CSMD1: variants seen among roughly 807,000 people sequenced by gnomAD.
The protein encoded by CSMD1 is CUB and Sushi multiple domains 1.
In CSMD1, 213 loss-of-function variants were observed where a neutral mutation model predicts 417.5. The ratio of observed to expected loss-of-function variants is 0.51; its 90% CI spans 0.46 to 0.57. The LOEUF is 0.57. Among genes scored for constraint, CSMD1 ranks in the 20% least tolerant of loss-of-function variants. The probability of loss-of-function intolerance (pLI) is 0.00; values close to 1 mark genes in which losing one functional copy is unlikely to be tolerated. For synonymous variants in CSMD1, 2,862 were observed against 1,736.8 expected (o/e 1.65, Z -16.11); for missense variants, 6,923 against 4,529.7 (o/e 1.53, Z -15.17).
intron 3 of CSMD1, among the ~76,000 whole-genome samples, chr8:4,050,371 A>C (rs1257060017): frequency 6.6e-6 from 1 of 152,186 alleles, no homozygotes; most frequent in Non-Finnish European, 1.5e-5. Context: ...AAGAGCAGAG[A>C]ATCTACAAAC....
At chr8:4,035,071 C>T (rs1797545295) in intron 3 of CSMD1, among the ~76,000 whole-genome samples, 1 of 152,090 alleles carries the variant, frequency 6.6e-6, no homozygotes, top group Non-Finnish European at 1.5e-5. Flanking sequence ...GCAGAAAGAT[C>T]AACGAAACAT....
chr8:3,349,778 T>A (rs1808270256), intron 21 of CSMD1, among the ~76,000 whole-genome samples: 1 of 128,448 alleles, frequency 7.8e-6, no homozygotes. Context: ...TAGATATAAG[T>A]CTAAATATAA....
At chr8:4,334,565 T>C (rs1363985928) in intron 3 of CSMD1, among the ~76,000 whole-genome samples, 2 of 152,182 alleles carry the variant, frequency 1.3e-5, no homozygotes, top group Non-Finnish European at 2.9e-5. Context: ...GAAAGATTGA[T>C]GGATGACAGA....
intron 3 of CSMD1, among the ~76,000 whole-genome samples, chr8:4,293,462 A>C (rs539198593): frequency 6.6e-6 from 1 of 152,340 alleles, no homozygotes; most frequent in Admixed American, 6.5e-5. Context: ...AATATGTGAA[A>C]ATTATTATTT....
chr8:3,591,648 T>C (rs1358076631), intron 8 of CSMD1, among the ~76,000 whole-genome samples: 2 of 152,164 alleles, frequency 1.3e-5, no homozygotes, highest in African/African-American at 4.8e-5. Flanking sequence ...CTGCTCAGCG[T>C]CTACTGAATC....
At chr8:4,802,275 A>C (rs1196778179) in intron 1 of CSMD1, among the ~76,000 whole-genome samples, 2 of 152,208 alleles carry the variant, frequency 1.3e-5, no homozygotes, top group African/African-American at 4.8e-5. Flanking sequence ...GCCTCAGCCA[A>C]GGCTTCGTGG....
At chr8:3,388,794 T>C (rs1811164227) in intron 17 of CSMD1, among the ~76,000 whole-genome samples, 1 of 152,074 alleles carries the variant, frequency 6.6e-6, no homozygotes, top group Non-Finnish European at 1.5e-5. Flanking sequence ...CTGGAGGAGC[T>C]TTCAATCTGC....
At chr8:4,124,064 C>G (rs988652798) in intron 3 of CSMD1, among the ~76,000 whole-genome samples, 5 of 151,860 alleles carry the variant, frequency 3.3e-5, no homozygotes, top group Non-Finnish European at 7.4e-5. Context: ...TCCCAACACA[C>G]AGACTTCTAC....
chr8:4,220,100 C>A (rs140412524), intron 3 of CSMD1, among the ~76,000 whole-genome samples: 60 of 152,268 alleles, frequency 3.9e-4, no homozygotes, highest in African/African-American at 1.4e-3. Flanking sequence ...CAGGCACGTG[C>A]CACCATGCCC....
chr8:3,107,698 T>A lies in CSMD1; in HGVS notation c.6835+20A>T, dbSNP rs1349367846. The A allele has an allele frequency of 2.8e-6, 4 of 1,403,790 alleles. No individual in the cohort carries two copies. Among genetic ancestry groups the A allele is most frequent in the Non-Finnish European group, 4.0e-6 (4 of 999,012 alleles). 87.0% of individuals were successfully genotyped at this position (1,403,790 alleles called of 1,614,324 possible). ...AAATGTCGTGCTGAATTCATGGTAT[T>A]GTAATGAAGAAAGTATTACCTATTT... On this transcript the variant is annotated intron_variant, in intron 45 of 69. Coordinates refer to ENST00000635120, the MANE Select transcript of CSMD1 (RefSeq NM_033225.6).
At chr8:3,108,108 C>T (rs759474244) in intron 44 of CSMD1, among the ~76,000 whole-genome samples, 5 of 152,202 alleles carry the variant, frequency 3.3e-5, no homozygotes, top group African/African-American at 4.8e-5. Flanking sequence ...AACCTGGCTC[C>T]CTGTCCATGT....
At chr8:3,394,876 G>C (rs868002217) in intron 17 of CSMD1, among the ~76,000 whole-genome samples, 1 of 152,064 alleles carries the variant, frequency 6.6e-6, no homozygotes, top group South Asian at 2.1e-4. Flanking sequence ...AATTAAATTT[G>C]AAATTTGTCA....
chr8:3,591,797 A>G lies in CSMD1; in HGVS notation c.1098-5537T>C, dbSNP rs959885605. The stretch of plus-strand genomic sequence containing the variant: ...GATGGATGGATGGATAGATGGAAAG[A>G]TGGAAAGATGGATAGACAGTGGATG... On this transcript the variant is annotated intron_variant, in intron 8 of 69. Transcript: ENST00000635120. 2.0e-5 allele frequency among the ~76,000 whole-genome samples: 3 copies of G among 152,186 alleles called. 1 individual carries two copies. The highest frequency in any genetic ancestry group is 2.0e-4 in the Admixed American group (3 of 15,288).
chr8:4,482,269 CA>C (rs1469093421), intron 2 of CSMD1, among the ~76,000 whole-genome samples: 4 of 152,116 alleles, frequency 2.6e-5, no homozygotes, highest in African/African-American at 7.2e-5. Flanking sequence ...TTATAGCCCC[CA>C]GTGTGTGTTG....
chr8:4,700,820 G>GA (rs1807481770), intron 1 of CSMD1, among the ~76,000 whole-genome samples: 1 of 152,148 alleles, frequency 6.6e-6, no homozygotes, highest in Admixed American at 6.5e-5. Context: ...ATTAGAGCAT[G>GA]AAAAAAAGGT....
intron 49 of CSMD1, among the ~76,000 whole-genome samples, chr8:3,063,329 T>C (rs1465528154): frequency 6.6e-6 from 1 of 152,142 alleles, no homozygotes; most frequent in African/African-American, 2.4e-5. Flanking sequence ...ATAAAAACGA[T>C]AGCAAAAACT....
At chr8:4,012,400 C>T (rs957158480) in intron 4 of CSMD1, among the ~76,000 whole-genome samples, 11 of 152,094 alleles carry the variant, frequency 7.2e-5, no homozygotes, top group South Asian at 6.2e-4. Flanking sequence ...ATCCAGTTTG[C>T]GTCGCGTGGA....
intron 3 of CSMD1, among the ~76,000 whole-genome samples, chr8:4,091,360 C>T (rs1009186266): frequency 6.6e-6 from 1 of 151,986 alleles, no homozygotes; most frequent in African/African-American, 2.4e-5. Flanking sequence ...TTTGAAATGT[C>T]CATGGAAGAA....
At chr8:4,508,972 C>T (rs990823999) in intron 2 of CSMD1, among the ~76,000 whole-genome samples, 20 of 151,910 alleles carry the variant, frequency 1.3e-4, no homozygotes, top group African/African-American at 1.7e-4. Context: ...AGCTTTCCTG[C>T]GGCTGTGACA....
Sources: gnomAD v4.1 joint callset for allele counts (sites outside exome capture counted in the v4.1 genomes callset) on GRCh38, gnomAD v4.1.1 for gene constraint, MANE v1.5 for transcripts, NCBI Gene and HGNC (gene_info 2026-07-23, HGNC 2026-07-21) for gene names.